The following PARVB variants were observed in gnomAD, a reference collection of about 807,000 sequenced individuals.
PARVB encodes parvin beta.
A neutral mutation model predicts 47.0 loss-of-function variants in PARVB; 46 were observed. The ratio of observed to expected loss-of-function variants is 0.98; its 90% CI spans 0.77 to 1.25. The LOEUF is 1.25. Among genes scored for constraint, PARVB ranks in the 50% most tolerant of loss-of-function variants. PARVB has a pLI of 0.00. For missense variants in PARVB, 473 were observed against 471.6 expected (o/e 1.00, Z -0.03); for synonymous variants, 196 against 196.3 (o/e 1.00, Z 0.01).
At chr22:44,051,174 G>C (rs116674408) in intron 1 of PARVB, among the ~76,000 whole-genome samples, 2 of 152,224 alleles carry the variant, frequency 1.3e-5, no homozygotes, top group African/African-American at 2.4e-5. Flanking sequence ...CCACCAGCTC[G>C]TGGAAAAGGT....
At chr22:44,154,779 G>C (rs1453483981) in intron 10 of PARVB, among the ~76,000 whole-genome samples, 1 of 148,166 alleles carries the variant, frequency 6.7e-6, no homozygotes, top group Non-Finnish European at 1.5e-5. Flanking sequence ...TGTGGTTTAT[G>C]TAGTCTGTGT....
At chr22:44,130,005 T>G (rs768521909) in intron 4 of PARVB, among the ~76,000 whole-genome samples, 22 of 152,316 alleles carry the variant, frequency 1.4e-4, no homozygotes, top group Admixed American at 3.9e-4. Flanking sequence ...CCAAAGCTGT[T>G]TGTTTTCTAA....
At chr22:44,162,411 T>C (rs1024651358) in intron 11 of PARVB, among the ~76,000 whole-genome samples, 4 of 151,702 alleles carry the variant, frequency 2.6e-5, no homozygotes, top group Admixed American at 1.3e-4. Context: ...AACCTCCGCC[T>C]CCTGGGTTCA....
chr22:44,171,816 T>TTTTC lies in PARVB; in HGVS notation c.*3141_*3142insCTTT, dbSNP rs1491481554. 1 of 67,990 alleles carries TTTTC rather than the reference T, an allele frequency of 1.5e-5. No individual in the cohort carries two copies. The highest frequency in any genetic ancestry group is 1.2e-4 in the African/African-American group (1 of 8,622). The allele number at this position is 67,990 out of a possible 1,614,324, so 4.2% of individuals were successfully genotyped here. The stretch of plus-strand genomic sequence containing the variant: ...GCGATGTTTCCAGCAAAGGATGTGA[T>TTTTC]TTTTTTTTTTTTTTTTTTTGAGATA... On this transcript the variant is annotated 3_prime_UTR_variant, in exon 13 of 13. Transcript: ENST00000338758.
chr22:44,041,713 C>T (rs2051022134), intron 1 of PARVB, among the ~76,000 whole-genome samples: 1 of 151,560 alleles, frequency 6.6e-6, no homozygotes, highest in Admixed American at 6.6e-5. Flanking sequence ...GTGAGACCCC[C>T]TCTCTACCAA....
At position 44,140,104 on chromosome 22, in the gene PARVB, C is replaced by G. The variant is rs1368649846; in HGVS notation, c.693-20C>G. On this transcript the variant is annotated intron_variant, in intron 7 of 12. Coordinates refer to ENST00000338758, the MANE Select transcript of PARVB (RefSeq NM_013327.5). ...TCTGAGTGACCCATCTCATGGCTCT[C>G]TCTGTGTTCTTGTTTGCAGGATGAT... 1 of 1,613,670 alleles carries G rather than the reference C, an allele frequency of 6.2e-7. No homozygotes were observed. The highest frequency in any genetic ancestry group is 8.5e-7 in the Non-Finnish European group (1 of 1,179,830).
In PARVB at chr22:44,163,841, C is replaced by A. The variant is rs755682792; in HGVS notation, c.946-17C>A. 5 of 1,596,982 alleles carry A rather than the reference C, an allele frequency of 3.1e-6. 1 individual carries two copies. Among genetic ancestry groups the A allele is most frequent in the East Asian group, 4.5e-5 (2 of 44,076 alleles). ...ACTGTTGGACCCTAACGCTGACCCA[C>A]CCCCCTTCCTTGGCAGGTCCACAAT... On this transcript the variant is annotated splice_polypyrimidine_tract_variant and intron_variant, in intron 11 of 12. Transcript: ENST00000338758.
intron 1 of PARVB, among the ~76,000 whole-genome samples, chr22:44,044,550 A>T (rs557451404): frequency 6.6e-6 from 1 of 151,968 alleles, no homozygotes; most frequent in South Asian, 2.1e-4. Context: ...CAGTGGCATG[A>T]TCTTGGCTCA....
chr22:44,157,306 C>T (rs139070), intron 10 of PARVB, among the ~76,000 whole-genome samples: 71,819 of 151,936 alleles, frequency 0.47, 17,640 homozygotes, highest in Non-Finnish European at 0.54. Context: ...CCAGCCGTCT[C>T]GCTGTGTCTT....
At position 44,080,830 on chromosome 22, in the gene PARVB, G is replaced by A. The variant is rs188943853; in HGVS notation, c.113-13098G>A. Reference sequence around the variant, plus strand: ...TCACGGAGCACCTGCCTCAGTCCAGGCGTCATGTTGGGAGCAGGGGAGACA... The same window carrying A: ...TCACGGAGCACCTGCCTCAGTCCAGACGTCATGTTGGGAGCAGGGGAGACA... On this transcript the variant is annotated intron_variant, in intron 1 of 12. Transcript: ENST00000338758. Among the ~76,000 whole-genome samples, 9 of 152,344 alleles carry A rather than the reference G, an allele frequency of 5.9e-5. No individual in the cohort carries two copies. The South Asian group carries it at 1.2e-3, about 21-fold the overall frequency.
intron 10 of PARVB, among the ~76,000 whole-genome samples, chr22:44,156,321 C>T (rs1455125989): frequency 6.7e-6 from 1 of 149,848 alleles, no homozygotes; most frequent in Non-Finnish European, 1.5e-5. Context: ...CTCCTGTTAC[C>T]CAGGCCGGAG....
chr22:44,133,080 C>A, intron 6 of PARVB, 71 bp downstream of exon 6: 1 of 988,078 alleles, frequency 1.0e-6, no homozygotes, highest in Non-Finnish European at 1.5e-6. Flanking sequence ...CTGCAGTTTT[C>A]CTGCCCTCCC....
At chr22:44,067,641 G>C (rs569801486) in intron 1 of PARVB, among the ~76,000 whole-genome samples, 1 of 152,308 alleles carries the variant, frequency 6.6e-6, no homozygotes, top group Non-Finnish European at 1.5e-5. Flanking sequence ...GCATCTCCTG[G>C]GCCATGAAGT....
intron 1 of PARVB, among the ~76,000 whole-genome samples, chr22:44,063,479 G>A (rs2051458133): frequency 6.6e-6 from 1 of 151,998 alleles, no homozygotes; most frequent in African/African-American, 2.4e-5. Context: ...CACCTGTCTT[G>A]GCCTCCCAAA....
chr22:44,016,308 G>T (rs956819032), intron 2 of PARVB, among the ~76,000 whole-genome samples: 67 of 151,956 alleles, frequency 4.4e-4, no homozygotes, highest in African/African-American at 1.5e-3. Flanking sequence ...GTGTTAGCCA[G>T]GATGGTCTCG....
At chr22:44,066,660 A>C (rs130308) in intron 1 of PARVB, among the ~76,000 whole-genome samples, 133,361 of 152,200 alleles carry the variant, frequency 0.88, 58,750 homozygotes, top group African/African-American at 0.97. Flanking sequence ...CCTGTCGACC[A>C]CTCACTGCCT....
intron 2 of PARVB, among the ~76,000 whole-genome samples, chr22:43,999,859 C>G (rs79409014): frequency 1.3e-5 from 1 of 79,310 alleles, no homozygotes; most frequent in Admixed American, 1.2e-4. Flanking sequence ...AAAAAAAAAA[C>G]AGCTGGGTGT....
chr22:44,073,977 C>T (rs935891370), intron 1 of PARVB, among the ~76,000 whole-genome samples: 13 of 152,228 alleles, frequency 8.5e-5, no homozygotes, highest in African/African-American at 2.2e-4. Context: ...GGACACCTAC[C>T]GAGGACCCGC....
chr22:44,151,616 C>T, intron 10 of PARVB, 65 bp downstream of exon 10: 2 of 1,285,594 alleles, frequency 1.6e-6, no homozygotes, highest in African/African-American at 1.5e-5. Flanking sequence ...GTTTTGATCC[C>T]AGGTGGGGCG....
Sources: allele counts gnomAD v4.1 joint callset (sites outside exome capture counted in the v4.1 genomes callset), GRCh38; gene constraint gnomAD v4.1.1; transcripts MANE v1.5; gene names NCBI Gene and HGNC (gene_info 2026-07-23, HGNC 2026-07-21).